The following CCDC38 variants were observed in gnomAD, a reference collection of about 807,000 sequenced individuals.
The protein encoded by CCDC38 is coiled-coil domain-containing protein 38.
A neutral mutation model predicts 72.8 loss-of-function variants in CCDC38; 69 were observed. The observed-to-expected ratio is 0.95, with a 90% CI of 0.78 to 1.16. The LOEUF is 1.16. Among genes scored for constraint, CCDC38 ranks in the 50% most tolerant of loss-of-function variants. The probability of loss-of-function intolerance (pLI) is 0.00; values close to 1 mark genes in which losing one functional copy is unlikely to be tolerated. For missense variants in CCDC38, 626 were observed against 638.9 expected, an observed-to-expected ratio of 0.98 and a Z score of 0.22; for synonymous variants, 201 against 213.2, an observed-to-expected ratio of 0.94 and a Z score of 0.50.
At chr12:95,904,070 A>ATT (rs35159248) in intron 5 of CCDC38, among the ~76,000 whole-genome samples, 50,149 of 151,918 alleles carry the variant, frequency 0.33, 8,948 homozygotes, top group African/African-American at 0.46. Flanking sequence ...ACATAAAGCT[A>ATT]CCATTTATTT....
At chr12:95,910,578 C>A (rs1034208123) in intron 4 of CCDC38, among the ~76,000 whole-genome samples, 6 of 152,164 alleles carry the variant, frequency 3.9e-5, no homozygotes, top group African/African-American at 1.4e-4. Context: ...TTCTAGAATT[C>A]AGGCTGGGCA....
chr12:95,888,529 G>A (rs1276324036), intron 9 of CCDC38, 23 bp from the exon 10 acceptor site: 1 of 1,612,930 alleles, frequency 6.2e-7, no homozygotes, highest in East Asian at 2.2e-5. Context: ...TCCAGGTGAG[G>A]CCATGCCGTT....
At position 95,873,057 on chromosome 12, in the gene CCDC38, G is replaced by T. The variant is rs189906612; in HGVS notation, c.1279-597C>A. On this transcript the variant is annotated intron_variant, in intron 13 of 15. Transcript: ENST00000344280. ...TTTGCTTGAATGTTTTTGTATATCT[G>T]ACTCCCTAAGAATTCAAATACAGGC... 1.7e-3 allele frequency among the ~76,000 whole-genome samples: 262 copies of T among 152,194 alleles called. 1 individual carries two copies. The highest frequency in any genetic ancestry group is 6.0e-3 in the African/African-American group (248 of 41,504).
At chr12:95,888,601 A>G in intron 9 of CCDC38, 95 bp from the exon 10 acceptor site, 1 of 1,110,150 alleles carries the variant, frequency 9.0e-7, no homozygotes, top group South Asian at 1.3e-5. Context: ...ACTTGGTGCA[A>G]GGTATTCATT....
intron 13 of CCDC38, among the ~76,000 whole-genome samples, chr12:95,875,587 A>G (rs966054595): frequency 1.3e-5 from 2 of 152,158 alleles, no homozygotes; most frequent in Non-Finnish European, 2.9e-5. Context: ...AAATTTACTC[A>G]AAGGATTATG....
chr12:95,895,780 G>A (rs1282058696), intron 7 of CCDC38, among the ~76,000 whole-genome samples: 13 of 134,742 alleles, frequency 9.6e-5, no homozygotes, highest in South Asian at 7.0e-4. Context: ...AAAAAAAGCC[G>A]GGCATGGTGG....
chr12:95,905,304 T>C (rs1308903459), intron 5 of CCDC38, among the ~76,000 whole-genome samples: 4 of 151,960 alleles, frequency 2.6e-5, no homozygotes, highest in Non-Finnish European at 5.9e-5. Flanking sequence ...ACCAAACTGG[T>C]TGAGGGAGGG....
intron 13 of CCDC38, among the ~76,000 whole-genome samples, chr12:95,875,356 A>G (rs2079624338): frequency 1.3e-5 from 2 of 152,292 alleles, no homozygotes; most frequent in South Asian, 4.1e-4. Context: ...TCAACATTAC[A>G]TTATACTTGA....
intron 3 of CCDC38, 35 bp from the exon 4 acceptor site, chr12:95,917,329 T>C (rs1334264447): frequency 6.8e-7 from 1 of 1,481,122 alleles, no homozygotes; most frequent in Non-Finnish European, 9.2e-7. Flanking sequence ...GAATTTTTAA[T>C]ATACCAAAGT....
At chr12:95,905,187 T>A (rs1243062490) in intron 5 of CCDC38, among the ~76,000 whole-genome samples, 5 of 152,238 alleles carry the variant, frequency 3.3e-5, no homozygotes, top group Admixed American at 3.3e-4. Context: ...TTATTTTTTA[T>A]CATTTTTTCT....
intron 4 of CCDC38, among the ~76,000 whole-genome samples, chr12:95,911,428 A>G (rs2080093214): frequency 6.6e-6 from 1 of 152,228 alleles, no homozygotes; most frequent in Non-Finnish European, 1.5e-5. Context: ...CACTATCAAC[A>G]GACTAAACAG....
At chr12:95,871,115 C>T (rs2079576547) in intron 14 of CCDC38, among the ~76,000 whole-genome samples, 1 of 152,126 alleles carries the variant, frequency 6.6e-6, no homozygotes, top group Non-Finnish European at 1.5e-5. Context: ...AACATTATCC[C>T]ACTTGTAAAC....
chr12:95,888,317 G>A (rs921686668), intron 10 of CCDC38, 141 bp downstream of exon 10: 2 of 722,948 alleles, frequency 2.8e-6, no homozygotes, highest in African/African-American at 1.8e-5. Flanking sequence ...TCTCAGGAGT[G>A]CACAGAAATG....
chr12:95,870,675 T>C (rs954271186), intron 14 of CCDC38, among the ~76,000 whole-genome samples: 4 of 152,212 alleles, frequency 2.6e-5, no homozygotes, highest in African/African-American at 9.6e-5. Context: ...AATGAGGTCA[T>C]CTTAGGGAAG....
At chr12:95,878,134 C>G in intron 13 of CCDC38, 77 bp downstream of exon 13, 1 of 1,510,674 alleles carries the variant, frequency 6.6e-7, no homozygotes, top group East Asian at 2.3e-5. Context: ...CTCTCCTATT[C>G]ACATACTTAG....
chr12:95,896,938 C>T (rs1022012408), intron 7 of CCDC38, among the ~76,000 whole-genome samples: 1 of 152,220 alleles, frequency 6.6e-6, no homozygotes, highest in Non-Finnish European at 1.5e-5. Flanking sequence ...GAGGCTGCTA[C>T]TCTAGCTCTA....
Position 95,869,545 on chromosome 12 carries a change from G to A in CCDC38, c.1513C>T (p.Gln505Ter), listed in dbSNP as rs757374233. 4 of 1,612,974 alleles carry A rather than the reference G, an allele frequency of 2.5e-6. No individual in the cohort carries two copies. In the African/African-American group the frequency reaches 4.0e-5, roughly 16 times the overall value. Residue 505 changes from glutamine to a stop codon, truncating the protein, a stop_gained, in exon 15 of 16, where the codon CAA (glutamine) becomes TAA (stop). Coordinates refer to ENST00000344280, the MANE Select transcript of CCDC38 (RefSeq NM_182496.3). LOFTEE classifies it high-confidence loss of function. ...TTTAGCCTTTCCTGTTGGTGTCTTTGTTTTTCTTTCATTTTCTCATCACGA... is the reference window on the plus strand; with the variant it reads ...TTTAGCCTTTCCTGTTGGTGTCTTTATTTTTCTTTCATTTTCTCATCACGA... Reference protein sequence around the residue: ...KFRDEKMKEKQRHQQERLKAA... With the variant: ...KFRDEKMKEK
intron 4 of CCDC38, among the ~76,000 whole-genome samples, chr12:95,916,417 C>A (rs1463516577): frequency 4.1e-5 from 6 of 145,342 alleles, no homozygotes; most frequent in Non-Finnish European, 6.1e-5. Context: ...TCCTTCCTTC[C>A]TTTTTTCCCT....
Position 95,878,285 on chromosome 12 carries a change from C to T in CCDC38, c.1204G>A (p.Glu402Lys), listed in dbSNP as rs779209048. 9.3e-6 allele frequency: 15 copies of T among 1,613,528 alleles called. No individual in the cohort carries two copies. The highest frequency in any genetic ancestry group is 2.7e-5 in the African/African-American group (2 of 74,936). The change falls in exon 13 of 16, where the codon GAA becomes AAA. Residue 402 changes from glutamate (E) to lysine (K), a missense_variant. Glu to Lys is a moderately conservative substitution (Grantham distance 56, BLOSUM62 1). Transcript: ENST00000344280. The stretch of plus-strand genomic sequence containing the variant: ...TGCAATTCTGCTGCTTTCTCTTCTT[C>T]TCTCACACAGTTAGCTTTAAGCATT... ...EKMLKANCVR[E>K]EEKAAELQLK...
Sources: allele counts gnomAD v4.1 joint callset (sites outside exome capture counted in the v4.1 genomes callset), GRCh38; gene constraint gnomAD v4.1.1; transcripts MANE v1.5; gene names NCBI Gene and HGNC (gene_info 2026-07-23, HGNC 2026-07-21).